Variants in CSMD3 observed in about 807,000 individuals in gnomAD.
CSMD3 encodes the protein CUB and sushi domain-containing protein 3.
In CSMD3, 177 loss-of-function variants were observed where a neutral mutation model predicts 435.2. The ratio of observed to expected loss-of-function variants is 0.41; its 90% CI spans 0.36 to 0.46. The LOEUF (loss-of-function observed/expected upper bound fraction) is 0.46. Among genes scored for constraint, CSMD3 ranks in the 20% least tolerant of loss-of-function variants. CSMD3 has a pLI of 0.34. For missense variants in CSMD3, 4,265 were observed against 4,504.6 expected (o/e 0.95, Z 1.52); for synonymous variants, 1,656 against 1,520.5 (o/e 1.09, Z -2.07).
intron 41 of CSMD3, among the ~76,000 whole-genome samples, chr8:112,343,424 T>C (rs887294725): frequency 1.3e-5 from 2 of 152,104 alleles, no homozygotes; most frequent in Non-Finnish European, 2.9e-5. Flanking sequence ...TGATCCTAAA[T>C]AGGATTTCTA....
At chr8:112,766,705 C>T (rs952902257) in intron 13 of CSMD3, among the ~76,000 whole-genome samples, 31 of 151,754 alleles carry the variant, frequency 2.0e-4, no homozygotes, top group Non-Finnish European at 4.3e-4. Flanking sequence ...GGCTGATTTC[C>T]TTTGATAGTT....
chr8:112,820,535 C>T (rs1474016189), intron 12 of CSMD3, among the ~76,000 whole-genome samples: 2 of 150,968 alleles, frequency 1.3e-5, no homozygotes, highest in East Asian at 1.9e-4. Context: ...TTAAATAGAA[C>T]TGATTAAAAA....
intron 4 of CSMD3, among the ~76,000 whole-genome samples, chr8:113,145,606 C>T (rs1394297353): frequency 6.6e-6 from 1 of 151,342 alleles, no homozygotes; most frequent in East Asian, 2.0e-4. Context: ...GGTAGTCAAC[C>T]AAAGGTATAA....
intron 3 of CSMD3, among the ~76,000 whole-genome samples, chr8:113,232,182 T>C (rs981275107): frequency 6.6e-6 from 1 of 151,600 alleles, no homozygotes; most frequent in African/African-American, 2.4e-5. Flanking sequence ...GGCTATTTAC[T>C]TGTAAAATAA....
At chr8:112,700,706 T>C (rs2076371659) in intron 13 of CSMD3, among the ~76,000 whole-genome samples, 1 of 152,084 alleles carries the variant, frequency 6.6e-6, no homozygotes, top group Admixed American at 6.6e-5. Flanking sequence ...ATGGTAACAG[T>C]TGCCGTTTTC....
chr8:113,069,640 T>C (rs929742216), intron 5 of CSMD3, among the ~76,000 whole-genome samples: 4 of 152,086 alleles, frequency 2.6e-5, no homozygotes, highest in South Asian at 2.1e-4. Context: ...CAAAGTGCCT[T>C]AGAAGAAAGA....
intron 3 of CSMD3, among the ~76,000 whole-genome samples, chr8:113,255,379 A>C (rs986468330): frequency 3.9e-5 from 6 of 152,110 alleles, no homozygotes; most frequent in African/African-American, 1.4e-4. Context: ...CTTTTGCTGT[A>C]CTGAAAATTA....
intron 1 of CSMD3, among the ~76,000 whole-genome samples, chr8:113,406,647 G>A (rs1227184326): frequency 6.6e-6 from 1 of 151,924 alleles, no homozygotes; most frequent in Non-Finnish European, 1.5e-5. Flanking sequence ...ATGAGGGTGT[G>A]CAGAGAATTG....
intron 8 of CSMD3, among the ~76,000 whole-genome samples, chr8:112,951,030 G>T (rs1178514764): frequency 6.6e-6 from 1 of 151,872 alleles, no homozygotes; most frequent in Admixed American, 6.6e-5. Context: ...AATTTAAAAT[G>T]TAAGGATAAT....
chr8:112,227,768 T>C (rs1048602392), intron 70 of CSMD3, among the ~76,000 whole-genome samples: 1 of 152,098 alleles, frequency 6.6e-6, no homozygotes. Flanking sequence ...ATATCAATTT[T>C]GCGGTGGCTC....
intron 3 of CSMD3, among the ~76,000 whole-genome samples, chr8:113,238,716 A>C (rs1472750063): frequency 6.6e-6 from 1 of 152,142 alleles, no homozygotes; most frequent in Non-Finnish European, 1.5e-5. Context: ...ACAAACTTGC[A>C]ATTCAAAAGG....
chr8:112,390,730 A>G lies in CSMD3; in HGVS notation c.5868T>C (p.Pro1956=), dbSNP rs1385160178. ...AATTCAGATTGTTGTCATAAGGCTC[A>G]GGGTATCCAGGTGACAAAATAGTCC... The part of the protein sequence containing the change: ...RKGTILSPGY[P]EPYDNNLNCV... The change falls in exon 36 of 71, where the codon CCT becomes CCC. Residue 1956 remains proline (P), a synonymous_variant. Transcript: ENST00000297405. 4.3e-6 allele frequency: 7 copies of G among 1,612,464 alleles called. No homozygotes were observed. Among genetic ancestry groups the G allele is most frequent in the Non-Finnish European group, 5.1e-6 (6 of 1,178,460 alleles).
intron 1 of CSMD3, among the ~76,000 whole-genome samples, chr8:113,399,078 CATATAT>C (rs764141337): frequency 2.2e-4 from 20 of 90,836 alleles, no homozygotes; most frequent in Middle Eastern, 6.4e-3. Flanking sequence ...AAGGATAGTT[CATATAT>C]ATATATATAT....
intron 32 of CSMD3, among the ~76,000 whole-genome samples, chr8:112,445,471 T>C (rs1815497804): frequency 6.6e-6 from 1 of 152,008 alleles, no homozygotes; most frequent in Admixed American, 6.6e-5. Context: ...GGTGAGAAGG[T>C]GTGTCATGGT....
At chr8:113,188,578 C>G (rs1198157253) in intron 3 of CSMD3, among the ~76,000 whole-genome samples, 1 of 151,896 alleles carries the variant, frequency 6.6e-6, no homozygotes, top group Non-Finnish European at 1.5e-5. Flanking sequence ...TTATTTTGCC[C>G]TTCTAGAGTA....
chr8:112,391,211 TAAC>T (rs1446254753), intron 35 of CSMD3, among the ~76,000 whole-genome samples: 1 of 152,148 alleles, frequency 6.6e-6, no homozygotes, highest in Non-Finnish European at 1.5e-5. Context: ...AGGATGATGA[TAAC>T]AATTATATTA....
In CSMD3 at chr8:112,300,305, A is replaced by C. The variant is rs549618726; in HGVS notation, c.8440+1488T>G. Among the ~76,000 whole-genome samples the C allele has an allele frequency of 1.5e-3, 224 of 148,534 alleles. 1 individual carries two copies. The highest frequency in any genetic ancestry group is 5.3e-3 in the African/African-American group (219 of 41,020). ...TTCTATATAATTATATATAAATTTA[A>C]AAATTTATATGTAAACTAAGTTTAC... is the stretch of plus-strand genomic sequence containing the variant. On this transcript the variant is annotated intron_variant, in intron 53 of 70. Transcript: ENST00000297405.
chr8:113,247,461 C>T (rs774549994), intron 3 of CSMD3, among the ~76,000 whole-genome samples: 6 of 152,128 alleles, frequency 3.9e-5, no homozygotes, highest in African/African-American at 7.2e-5. Context: ...GAAAGTAGGG[C>T]AAGTTAATTC....
At chr8:112,657,927 A>G (rs1332659379) in intron 17 of CSMD3, among the ~76,000 whole-genome samples, 1 of 152,248 alleles carries the variant, frequency 6.6e-6, no homozygotes, top group Non-Finnish European at 1.5e-5. Flanking sequence ...AAAAGTCTAT[A>G]AACTCCATGA....
Sources: allele counts gnomAD v4.1 joint callset (sites outside exome capture counted in the v4.1 genomes callset), GRCh38; gene constraint gnomAD v4.1.1; transcripts MANE v1.5; gene names NCBI Gene and HGNC (gene_info 2026-07-23, HGNC 2026-07-21).